Variants in ACER3 observed in about 807,000 individuals in gnomAD.
ACER3 encodes the protein alkCDase 3.
In ACER3, 16 loss-of-function variants were observed where a neutral mutation model predicts 48.9. That is an observed-to-expected ratio of 0.33 (90% CI 0.22 to 0.50). The LOEUF is 0.50. ACER3 is among the 20% of genes least tolerant of loss of function. The pLI, the probability that ACER3 is intolerant of heterozygous loss-of-function variation, is 0.98. For missense variants in ACER3, 227 were observed against 326.0 expected (o/e 0.70, Z 2.34); for synonymous variants, 109 against 107.8 (o/e 1.01, Z -0.07).
intron 1 of ACER3, among the ~76,000 whole-genome samples, chr11:76,882,003 C>CTT (rs33962456): frequency 2.5e-4 from 27 of 110,046 alleles, no homozygotes; most frequent in African/African-American, 5.3e-4. Context: ...TGTAAAAAAT[C>CTT]TTTTTTTTTT....
intron 1 of ACER3, among the ~76,000 whole-genome samples, chr11:76,907,186 G>C (rs1946257635): frequency 6.6e-6 from 1 of 152,032 alleles, no homozygotes; most frequent in Non-Finnish European, 1.5e-5. Context: ...CTCCAATGAG[G>C]TACAAATTCA....
chr11:76,914,888 T>G (rs1390577116), intron 1 of ACER3, among the ~76,000 whole-genome samples: 1 of 152,164 alleles, frequency 6.6e-6, no homozygotes, highest in African/African-American at 2.4e-5. Context: ...TGAGTTCGTG[T>G]CCTTTGTAGG....
intron 3 of ACER3, among the ~76,000 whole-genome samples, chr11:76,968,489 A>G (rs1375310095): frequency 1.3e-5 from 2 of 152,226 alleles, no homozygotes; most frequent in East Asian, 3.8e-4. Context: ...AGCCAAGTCA[A>G]TCCTAAGCCA....
intron 2 of ACER3, among the ~76,000 whole-genome samples, chr11:76,931,347 G>T (rs1005686708): frequency 7.0e-6 from 1 of 143,516 alleles, no homozygotes; most frequent in African/African-American, 2.7e-5. Context: ...TTTATTTTGA[G>T]CCTATGTGTG....
At chr11:76,974,754 T>A (rs1948395640) in intron 3 of ACER3, among the ~76,000 whole-genome samples, 1 of 138,016 alleles carries the variant, frequency 7.2e-6, no homozygotes, top group African/African-American at 2.7e-5. Flanking sequence ...GGATATAAAT[T>A]TTTACTGTTG....
chr11:76,903,476 A>G (rs1222273523), intron 1 of ACER3, among the ~76,000 whole-genome samples: 1 of 39,076 alleles, frequency 2.6e-5, no homozygotes. Flanking sequence ...CCACACACAC[A>G]CACACCTTTT....
intron 1 of ACER3, among the ~76,000 whole-genome samples, chr11:76,922,511 A>C (rs1946713146): frequency 1.3e-5 from 2 of 152,070 alleles, no homozygotes; most frequent in African/African-American, 4.8e-5. Context: ...CTGGCTCCCC[A>C]CCTTACATTT....
chr11:76,992,364 C>T (rs1475210790), intron 6 of ACER3, among the ~76,000 whole-genome samples: 1 of 152,084 alleles, frequency 6.6e-6, no homozygotes, highest in Non-Finnish European at 1.5e-5. Context: ...AGTTTTATGA[C>T]CATCTGTTTT....
intron 2 of ACER3, among the ~76,000 whole-genome samples, chr11:76,932,784 T>A (rs1447904185): frequency 6.6e-6 from 1 of 152,204 alleles, no homozygotes; most frequent in Non-Finnish European, 1.5e-5. Flanking sequence ...CCAACAGAAC[T>A]GTTTTCAGTG....
chr11:76,924,894 T>C (rs1481771475), intron 1 of ACER3, among the ~76,000 whole-genome samples: 3 of 143,258 alleles, frequency 2.1e-5, no homozygotes. Context: ...AAGAATCTCT[T>C]GAGCCCAGGA....
chr11:77,007,919 G>A lies in ACER3; in HGVS notation c.498-7097G>A, dbSNP rs371022987. On this transcript the variant is annotated intron_variant, in intron 7 of 10. Transcript: ENST00000532485. Reference sequence around the variant, plus strand: ...GTATTATATATTTCAAAATAGCTAAGATAGCAAATTTCAAATTTCTCACCA... The same window carrying A: ...GTATTATATATTTCAAAATAGCTAAAATAGCAAATTTCAAATTTCTCACCA... Among the ~76,000 whole-genome samples the A allele has an allele frequency of 5.3e-5, 8 of 152,224 alleles. No individual in the cohort carries two copies. The South Asian group carries it at 1.7e-3, about 32-fold the overall frequency.
At chr11:76,993,010 A>G (rs1948835275) in intron 6 of ACER3, among the ~76,000 whole-genome samples, 2 of 152,016 alleles carry the variant, frequency 1.3e-5, no homozygotes, top group African/African-American at 4.8e-5. Flanking sequence ...CTGGGATTAC[A>G]GGCACACACC....
At chr11:77,005,837 C>A (rs1209282623) in intron 7 of ACER3, among the ~76,000 whole-genome samples, 1 of 150,636 alleles carries the variant, frequency 6.6e-6, no homozygotes, top group Non-Finnish European at 1.5e-5. Flanking sequence ...AGGTAACATT[C>A]TGAGTGAGGT....
intron 2 of ACER3, among the ~76,000 whole-genome samples, chr11:76,927,603 T>TC (rs529780021): frequency 6.6e-6 from 1 of 150,980 alleles, no homozygotes; most frequent in Admixed American, 6.6e-5. Flanking sequence ...ATGCTATCCC[T>TC]CCCCCCTTCC....
chr11:76,875,676 G>GT (rs551772146), intron 1 of ACER3, among the ~76,000 whole-genome samples: 25 of 86,222 alleles, frequency 2.9e-4, no homozygotes, highest in Non-Finnish European at 3.8e-4. Context: ...TTAATTCCTT[G>GT]TTTTTTTTTT....
At chr11:76,986,790 C>T (rs575966297) in intron 5 of ACER3, among the ~76,000 whole-genome samples, 22 of 152,188 alleles carry the variant, frequency 1.4e-4, no homozygotes, top group Admixed American at 5.2e-4. Flanking sequence ...AGCAGTTAGG[C>T]GCAGTGGCCC....
At chr11:77,020,133 T>C in intron 10 of ACER3, 141 bp from the exon 11 acceptor site, 2 of 748,380 alleles carry the variant, frequency 2.7e-6, no homozygotes, top group Non-Finnish European at 4.4e-6. Context: ...GAATAAACTG[T>C]GCTCAGGCTG....
At chr11:77,019,180 G>C (rs10899343) in intron 9 of ACER3, among the ~76,000 whole-genome samples, 1 of 152,050 alleles carries the variant, frequency 6.6e-6, no homozygotes, top group East Asian at 1.9e-4. Flanking sequence ...GCTAAATGTG[G>C]CCGGGCGCGG....
At chr11:76,911,052 A>T (rs1946366107) in intron 1 of ACER3, among the ~76,000 whole-genome samples, 1 of 152,148 alleles carries the variant, frequency 6.6e-6, no homozygotes, top group Non-Finnish European at 1.5e-5. Context: ...CCCAATCCAG[A>T]CCCCAAGAGA....
Sources: gnomAD v4.1 joint callset for allele counts (sites outside exome capture counted in the v4.1 genomes callset) on GRCh38, gnomAD v4.1.1 for gene constraint, MANE v1.5 for transcripts, NCBI Gene and HGNC (gene_info 2026-07-23, HGNC 2026-07-21) for gene names.